The following ADTRP variants were observed in gnomAD, a reference collection of about 807,000 sequenced individuals.
ADTRP encodes androgen-dependent TFPI-regulating protein.
Under a neutral mutation model 27.0 loss-of-function variants are expected in ADTRP, and 20 were observed. That is an observed-to-expected ratio of 0.74 (90% CI 0.52 to 1.08). The LOEUF (loss-of-function observed/expected upper bound fraction) is 1.08. Ranked by LOEUF, ADTRP falls within the 50% of genes least tolerant of loss-of-function variation. The pLI, the probability that ADTRP is intolerant of heterozygous loss-of-function variation, is 0.00. For synonymous variants in ADTRP, 101 were observed against 105.2 expected, an observed-to-expected ratio of 0.96 and a Z score of 0.25; for missense variants, 251 against 275.0, an observed-to-expected ratio of 0.91 and a Z score of 0.62.
At chr6:11,741,372 G>A (rs559027560) in intron 3 of ADTRP, among the ~76,000 whole-genome samples, 1 of 152,288 alleles carries the variant, frequency 6.6e-6, no homozygotes, top group East Asian at 1.9e-4. Flanking sequence ...TTTCAACCTT[G>A]CTTTATGTTT....
intron 3 of ADTRP, among the ~76,000 whole-genome samples, chr6:11,762,775 G>A (rs10456430): frequency 0.031 from 4,691 of 152,292 alleles, 110 homozygotes; most frequent in Non-Finnish European, 0.051. Context: ...GGGCTCTGAG[G>A]AGTTCTCTGA....
intron 3 of ADTRP, among the ~76,000 whole-genome samples, chr6:11,753,454 T>G (rs530531111): frequency 5.3e-5 from 8 of 152,228 alleles, no homozygotes; most frequent in Non-Finnish European, 1.0e-4. Flanking sequence ...GACAGGCAAC[T>G]CAATCTTTCA....
At chr6:11,737,627 G>A (rs1388919687) in intron 3 of ADTRP, among the ~76,000 whole-genome samples, 1 of 152,204 alleles carries the variant, frequency 6.6e-6, no homozygotes, top group Non-Finnish European at 1.5e-5. Flanking sequence ...GAAGGACCAA[G>A]CTGTAAGTAC....
At chr6:11,732,891 A>C (rs1762431772) in intron 4 of ADTRP, among the ~76,000 whole-genome samples, 1 of 152,226 alleles carries the variant, frequency 6.6e-6, no homozygotes, top group Non-Finnish European at 1.5e-5. Flanking sequence ...TCCATCCAGC[A>C]TTTAGCTGAA....
intron 1 of ADTRP, among the ~76,000 whole-genome samples, chr6:11,772,284 C>A (rs1763809501): frequency 6.6e-6 from 1 of 152,270 alleles, no homozygotes; most frequent in Non-Finnish European, 1.5e-5. Flanking sequence ...TGCTAGCTGA[C>A]AAACTAACAC....
chr6:11,733,353 C>T (rs1485587009), intron 4 of ADTRP, among the ~76,000 whole-genome samples: 1 of 152,256 alleles, frequency 6.6e-6, no homozygotes, highest in African/African-American at 2.4e-5. Context: ...GTTTAAAAGT[C>T]CAAACGCACT....
At chr6:11,772,010 A>G (rs1763798251) in intron 1 of ADTRP, among the ~76,000 whole-genome samples, 1 of 152,240 alleles carries the variant, frequency 6.6e-6, no homozygotes, top group South Asian at 2.1e-4. Context: ...GAAACTATAC[A>G]GTAGCATTAA....
intron 1 of ADTRP, among the ~76,000 whole-genome samples, chr6:11,774,816 T>C (rs1403174717): frequency 1.3e-5 from 2 of 152,100 alleles, no homozygotes; most frequent in East Asian, 3.9e-4. Flanking sequence ...CTAGCTCATA[T>C]TCTCTGGGAT....
In ADTRP at chr6:11,735,592, G is replaced by C. The variant is rs775293635; in HGVS notation, c.482C>G (p.Ala161Gly). ...SKKTGLTLLA[A>G]ASIAYISRIL... Reference sequence around the variant, plus strand: ...CCGGCTGATGTAAGCAATGCTGGCAGCAGCCAGCAAGGTGAGTCCTGTCTT... The same window carrying C: ...CCGGCTGATGTAAGCAATGCTGGCACCAGCCAGCAAGGTGAGTCCTGTCTT... Residue 161 changes from alanine (A) to glycine (G), a missense_variant, in exon 4 of 6, where the codon GCT becomes GGT. Transcript: ENST00000414691. 1 of 1,613,740 alleles carries C rather than the reference G, an allele frequency of 6.2e-7. No homozygotes were observed. Among genetic ancestry groups the C allele is most frequent in the Non-Finnish European group, 8.5e-7 (1 of 1,179,710 alleles).
At chr6:11,743,452 C>A (rs1272223261) in intron 3 of ADTRP, among the ~76,000 whole-genome samples, 2 of 152,158 alleles carry the variant, frequency 1.3e-5, no homozygotes, top group Non-Finnish European at 2.9e-5. Context: ...ACTGTGGATA[C>A]AGCACTCACC....
At chr6:11,752,484 G>A (rs1357791161) in intron 3 of ADTRP, among the ~76,000 whole-genome samples, 1 of 152,232 alleles carries the variant, frequency 6.6e-6, no homozygotes. Flanking sequence ...AAGGAGGAAG[G>A]GTTTCAAGGC....
At chr6:11,762,175 G>A (rs140581469) in intron 3 of ADTRP, among the ~76,000 whole-genome samples, 87 of 152,360 alleles carry the variant, frequency 5.7e-4, no homozygotes, top group South Asian at 5.2e-3. Flanking sequence ...ATCCCTGGGA[G>A]ACGGCTCAAA....
intron 3 of ADTRP, among the ~76,000 whole-genome samples, chr6:11,756,571 C>G (rs1763221374): frequency 6.6e-6 from 1 of 151,354 alleles, no homozygotes; most frequent in Non-Finnish European, 1.5e-5. Context: ...ACAATTATCT[C>G]AAAAAAAAGT....
At chr6:11,751,903 C>G (rs950969335) in intron 3 of ADTRP, among the ~76,000 whole-genome samples, 1 of 152,210 alleles carries the variant, frequency 6.6e-6, no homozygotes, top group Non-Finnish European at 1.5e-5. Flanking sequence ...ATGAAGAAAT[C>G]AGCTATCGAT....
At chr6:11,749,659 G>T (rs1581345557) in intron 3 of ADTRP, among the ~76,000 whole-genome samples, 1 of 152,202 alleles carries the variant, frequency 6.6e-6, no homozygotes, top group African/African-American at 2.4e-5. Context: ...GTTTCAAGGA[G>T]AGAGAGGTGC....
intron 3 of ADTRP, among the ~76,000 whole-genome samples, chr6:11,742,673 G>A (rs1246839609): frequency 6.6e-6 from 1 of 152,164 alleles, no homozygotes; most frequent in African/African-American, 2.4e-5. Flanking sequence ...CCTCAACAGT[G>A]TCCCCATAAC....
chr6:11,774,879 A>T (rs533781059), intron 1 of ADTRP, among the ~76,000 whole-genome samples: 20 of 152,312 alleles, frequency 1.3e-4, no homozygotes, highest in Middle Eastern at 3.4e-3. Context: ...GGGACATAGC[A>T]TTTGTGGAGG....
At chr6:11,726,510 T>C (rs1056865503) in intron 4 of ADTRP, among the ~76,000 whole-genome samples, 2 of 152,200 alleles carry the variant, frequency 1.3e-5, no homozygotes, top group African/African-American at 4.8e-5. Context: ...TCCCCTTTGA[T>C]CTTCTCCACC....
intron 4 of ADTRP, among the ~76,000 whole-genome samples, chr6:11,725,974 T>G (rs1333307684): frequency 6.6e-6 from 1 of 151,426 alleles, no homozygotes; most frequent in African/African-American, 2.4e-5. Flanking sequence ...AGCAGCATTA[T>G]TCACAATAGC....
Sources: allele counts gnomAD v4.1 joint callset (sites outside exome capture counted in the v4.1 genomes callset), GRCh38; gene constraint gnomAD v4.1.1; transcripts MANE v1.5; gene names NCBI Gene and HGNC (gene_info 2026-07-23, HGNC 2026-07-21).